The following CNTNAP2 variants were observed in gnomAD, a reference collection of about 807,000 sequenced individuals.
CNTNAP2 encodes the protein contactin-associated protein-like 2.
In CNTNAP2, 98 loss-of-function variants were observed where a neutral mutation model predicts 155.2. That is an observed-to-expected ratio of 0.63 (90% CI 0.54 to 0.75). The LOEUF is 0.75. CNTNAP2 is among the 30% of genes least tolerant of loss of function. The pLI is 0.00. For missense variants in CNTNAP2, 1,727 were observed against 1,688.1 expected, an observed-to-expected ratio of 1.02 and a Z score of -0.40; for synonymous variants, 651 against 631.2, an observed-to-expected ratio of 1.03 and a Z score of -0.47.
chr7:147,272,275 C>G (rs941059833), intron 8 of CNTNAP2, among the ~76,000 whole-genome samples: 1 of 152,172 alleles, frequency 6.6e-6, no homozygotes, highest in Non-Finnish European at 1.5e-5. Flanking sequence ...TCTTCTGACA[C>G]CTTCCTTCCC....
chr7:147,561,993 T>G, intron 11 of CNTNAP2, 145 bp from the exon 12 acceptor site: 1 of 1,079,494 alleles, frequency 9.3e-7, no homozygotes, highest in Admixed American at 2.1e-5. Flanking sequence ...ATCATGAATT[T>G]AAATTTAGAG....
At chr7:147,927,836 G>T (rs537548056) in intron 14 of CNTNAP2, among the ~76,000 whole-genome samples, 2 of 152,132 alleles carry the variant, frequency 1.3e-5, no homozygotes, top group African/African-American at 4.8e-5. Flanking sequence ...TGCAATGGCC[G>T]AGACCTTGAC....
At chr7:147,345,969 A>G (rs1334027587) in intron 9 of CNTNAP2, among the ~76,000 whole-genome samples, 2 of 152,106 alleles carry the variant, frequency 1.3e-5, no homozygotes, top group Non-Finnish European at 2.9e-5. Flanking sequence ...ATAGGCCGCA[A>G]ACAGTTAATA....
At chr7:146,748,307 A>G (rs1585071859) in intron 1 of CNTNAP2, among the ~76,000 whole-genome samples, 3 of 123,874 alleles carry the variant, frequency 2.4e-5, no homozygotes, top group Middle Eastern at 4.8e-3. Flanking sequence ...CACCACGCCC[A>G]GCTAATTTTT....
chr7:148,229,911 T>A, intron 20 of CNTNAP2, 132 bp downstream of exon 20: 2 of 968,782 alleles, frequency 2.1e-6, no homozygotes, highest in Non-Finnish European at 3.1e-6. Flanking sequence ...CTCCTACAAG[T>A]GCATAACTAG....
intron 1 of CNTNAP2, among the ~76,000 whole-genome samples, chr7:146,474,304 A>G (rs1796842639): frequency 6.7e-6 from 1 of 149,182 alleles, no homozygotes; most frequent in Non-Finnish European, 1.5e-5. Context: ...AAATATAAAT[A>G]TATATTTCAT....
At chr7:147,899,898 A>G (rs1799835714) in intron 13 of CNTNAP2, among the ~76,000 whole-genome samples, 1 of 128,726 alleles carries the variant, frequency 7.8e-6, no homozygotes, top group Non-Finnish European at 1.7e-5. Context: ...ATCTCAAAAA[A>G]AAAAAAAGAA....
At chr7:147,026,586 A>C (rs1229827262) in intron 3 of CNTNAP2, among the ~76,000 whole-genome samples, 2 of 151,808 alleles carry the variant, frequency 1.3e-5, no homozygotes, top group Non-Finnish European at 2.9e-5. Context: ...CATTCTTGGA[A>C]TGTCTTTTTT....
chr7:146,286,315 T>C (rs919131213), intron 1 of CNTNAP2, among the ~76,000 whole-genome samples: 1 of 152,002 alleles, frequency 6.6e-6, no homozygotes, highest in African/African-American at 2.4e-5. Context: ...ACTTTTGATG[T>C]TTCATTGATT....
At chr7:146,579,306 G>A (rs1021185417) in intron 1 of CNTNAP2, among the ~76,000 whole-genome samples, 3 of 151,974 alleles carry the variant, frequency 2.0e-5, no homozygotes, top group African/African-American at 7.2e-5. Context: ...CTCTATAGAG[G>A]AAAGATATGA....
chr7:147,235,751 T>C (rs1257429546), intron 8 of CNTNAP2, among the ~76,000 whole-genome samples: 1 of 152,224 alleles, frequency 6.6e-6, no homozygotes, highest in African/African-American at 2.4e-5. Context: ...GTCTTCCTGC[T>C]TTCTGGCAGT....
intron 13 of CNTNAP2, among the ~76,000 whole-genome samples, chr7:147,782,862 G>A (rs564853466): frequency 6.6e-6 from 1 of 152,276 alleles, no homozygotes; most frequent in Admixed American, 6.5e-5. Context: ...CTAATCATCT[G>A]TGATTGTCAC....
At chr7:148,308,697 G>T (rs1029251691) in intron 21 of CNTNAP2, among the ~76,000 whole-genome samples, 38 of 151,896 alleles carry the variant, frequency 2.5e-4, no homozygotes, top group Non-Finnish European at 4.9e-4. Context: ...TCTACATTAG[G>T]TATTTCTCCT....
intron 8 of CNTNAP2, among the ~76,000 whole-genome samples, chr7:147,262,484 C>A (rs1181016866): frequency 1.3e-5 from 2 of 152,104 alleles, no homozygotes; most frequent in African/African-American, 4.8e-5. Context: ...GACACAGACA[C>A]ACACAGAGGG....
At chr7:147,413,991 T>C (rs1358815108) in intron 10 of CNTNAP2, among the ~76,000 whole-genome samples, 1 of 152,240 alleles carries the variant, frequency 6.6e-6, no homozygotes, top group South Asian at 2.1e-4. Context: ...TGCAAGGCTG[T>C]AGGAACCAAC....
chr7:147,246,094 CAT>C (rs1249276751), intron 8 of CNTNAP2, among the ~76,000 whole-genome samples: 4 of 147,852 alleles, frequency 2.7e-5, no homozygotes, highest in African/African-American at 2.5e-5. Flanking sequence ...ATATATATGG[CAT>C]ATATATATAT....
intron 22 of CNTNAP2, among the ~76,000 whole-genome samples, chr7:148,386,574 G>T (rs1799201133): frequency 6.6e-6 from 1 of 152,140 alleles, no homozygotes; most frequent in South Asian, 2.1e-4. Context: ...GAAATAATAT[G>T]ATTTTCCTCT....
intron 12 of CNTNAP2, among the ~76,000 whole-genome samples, chr7:147,602,387 A>G (rs564915860): frequency 9.4e-5 from 14 of 149,712 alleles, no homozygotes; most frequent in East Asian, 3.9e-4. Context: ...CTTTAAGAAC[A>G]TATTTTATTT....
At chr7:147,894,857 TC>T (rs1421089117) in intron 13 of CNTNAP2, among the ~76,000 whole-genome samples, 1 of 151,798 alleles carries the variant, frequency 6.6e-6, no homozygotes, top group East Asian at 1.9e-4. Flanking sequence ...CATCAAGCAG[TC>T]CCCAAGCATT....
Sources: gnomAD v4.1 joint callset for allele counts (sites outside exome capture counted in the v4.1 genomes callset) on GRCh38, gnomAD v4.1.1 for gene constraint, MANE v1.5 for transcripts, NCBI Gene and HGNC (gene_info 2026-07-23, HGNC 2026-07-21) for gene names.